Variants in PZP observed in about 807,000 individuals in gnomAD.
PZP encodes the protein PZP alpha-2-macroglobulin like.
A neutral mutation model predicts 179.8 loss-of-function variants in PZP; 150 were observed. The ratio of observed to expected loss-of-function variants is 0.83; its 90% CI spans 0.73 to 0.96. PZP has a LOEUF of 0.96. Among genes scored for constraint, PZP ranks in the 40% least tolerant of loss-of-function variants. The probability of loss-of-function intolerance (pLI) is 0.00; values close to 1 mark genes in which losing one functional copy is unlikely to be tolerated. For synonymous variants in PZP, 624 were observed against 652.3 expected (o/e 0.96, Z 0.66); for missense variants, 1,689 against 1,764.0 (o/e 0.96, Z 0.76).
chr12:9,181,045 G>C lies in PZP; in HGVS notation c.1777C>G (p.Leu593Val), dbSNP rs761978326. 4.3e-6 allele frequency: 7 copies of C among 1,614,202 alleles called. No homozygotes were observed. Among genetic ancestry groups the C allele is most frequent in the Non-Finnish European group, 5.9e-6 (7 of 1,180,020 alleles). ...VAAAPQSLCA[L>V]RAVDQSVLLM... Reference sequence around the variant, plus strand: ...AGCACACTTTGGTCCACAGCACGAAGGGCACAGAGGGACTGCGGAGCAGCT... The same window carrying C: ...AGCACACTTTGGTCCACAGCACGAACGGCACAGAGGGACTGCGGAGCAGCT... Residue 593 changes from leucine to valine, a missense_variant, in exon 15 of 36, where the codon CTT (leucine) becomes GTT (valine). Physicochemically the swap from Leu to Val is conservative, Grantham distance 32. Around this residue, in one of 3 missense-constraint regions of PZP, gnomAD observed 742 missense variants for 730.5 expected, o/e 1.02. Transcript: ENST00000261336.
chr12:9,192,504 A>G lies in PZP; in HGVS notation c.1482+8T>C, dbSNP rs759040864. On this transcript the variant is annotated splice_region_variant and intron_variant, in intron 12 of 35. Coordinates refer to ENST00000261336, the MANE Select transcript of PZP (RefSeq NM_002864.3). ...AGCTGCAATTGTATTCCATGGCCTC[A>G]TTCTTACCAGGTAATGGAAACTGAG... The G allele has an allele frequency of 6.2e-7, 1 of 1,607,798 alleles. No individual in the cohort carries two copies. The highest frequency in any genetic ancestry group is 1.1e-5 in the South Asian group (1 of 90,964).
chr12:9,151,792 G>T, intron 32 of PZP, 120 bp from the exon 33 acceptor site: 1 of 736,576 alleles, frequency 1.4e-6, no homozygotes, highest in Non-Finnish European at 2.2e-6. Flanking sequence ...AAAGCTAATT[G>T]TTTTCAGGTC....
At chr12:9,142,147 C>A in the PZP span, among the ~76,000 whole-genome samples, 4 of 152,092 alleles carry the variant, frequency 2.6e-5, no homozygotes, top group Non-Finnish European at 4.4e-5. Context: ...TGTATAAATT[C>A]TCTTTTCTTT....
intron 4 of PZP, 69 bp from the exon 5 acceptor site, chr12:9,201,416 T>G (rs944274601): frequency 8.9e-6 from 11 of 1,237,374 alleles, no homozygotes; most frequent in Non-Finnish European, 1.3e-5. Context: ...AGACTTGTGA[T>G]CAAACAACAA....
In PZP at chr12:9,158,510, G is replaced by C; in HGVS notation, c.3204C>G (p.His1068Gln). Residue 1068 changes from histidine to glutamine, a missense_variant, in exon 26 of 36, where the codon CAC (histidine) becomes CAG (glutamine). Physicochemically the swap from His to Gln is conservative, Grantham distance 24 (BLOSUM62 0). Coordinates refer to ENST00000261336, the MANE Select transcript of PZP (RefSeq NM_002864.3). ...ARSYIFIDEA[H>Q]ITQSLTWLSQ... is the part of the protein sequence containing the mutation. ...AGAGCCACGTGAGAGATTGGGTAAT[G>C]TGTGCTTCATCAATGAAGATGTAGG... The C allele has an allele frequency of 6.2e-7, 1 of 1,614,138 alleles. No homozygotes were observed. The highest frequency in any genetic ancestry group is 8.5e-7 in the Non-Finnish European group (1 of 1,180,012).
intron 22 of PZP, among the ~76,000 whole-genome samples, chr12:9,161,880 T>G (rs945698760): frequency 1.3e-5 from 2 of 152,194 alleles, no homozygotes; most frequent in African/African-American, 4.8e-5. Context: ...TGCTATATGT[T>G]TTGTCAGCAG....
Position 9,163,687 on chromosome 12 carries a change from A to T in PZP, c.2717T>A (p.Ile906Asn). Residue 906 changes from isoleucine (I) to asparagine (N), a missense_variant, in exon 21 of 36, where the codon ATC becomes AAC. Around this residue, in one of 3 missense-constraint regions of PZP, gnomAD observed 746 missense variants for 749.2 expected, o/e 1.00. Transcript: ENST00000261336. ...TGTTACCTCCACCAACAGGGTTTTGATGACTGTGTCTTTTCTTTTAATCTC... is the reference window on the plus strand; with the variant it reads ...TGTTACCTCCACCAACAGGGTTTTGTTGACTGTGTCTTTTCTTTTAATCTC... ...VPEIKRKDTV[I>N]KTLLVEAEGI... 6.2e-7 allele frequency: 1 copy of T among 1,613,842 alleles called. No homozygotes were observed. Among genetic ancestry groups the T allele is most frequent in the Non-Finnish European group, 8.5e-7 (1 of 1,179,848 alleles).
At chr12:9,151,784 A>T in intron 32 of PZP, 112 bp from the exon 33 acceptor site, 1 of 809,250 alleles carries the variant, frequency 1.2e-6, no homozygotes, top group East Asian at 2.7e-5. Flanking sequence ...AAGAGAAGAA[A>T]GCTAATTGTT....
rs1346326339 is a variant in PZP at position 9,162,596 on chromosome 12, C to G, written c.2788+1G>C. 2 of 1,581,452 alleles carry G rather than the reference C, an allele frequency of 1.3e-6. No homozygotes were observed. Among genetic ancestry groups the G allele is most frequent in the Non-Finnish European group, 1.7e-6 (2 of 1,151,186 alleles). On this transcript the variant is annotated splice_donor_variant, in intron 22 of 35. Transcript: ENST00000261336. LOFTEE classifies it high-confidence loss of function. ...CTATGATTATGAAGATGGACTCTTACCTGAGGCACAGGTCATAGAACTGAA... is the reference window on the plus strand; with the variant it reads ...CTATGATTATGAAGATGGACTCTTAGCTGAGGCACAGGTCATAGAACTGAA...
intron 27 of PZP, 69 bp from the exon 28 acceptor site, chr12:9,157,424 A>G: frequency 7.1e-7 from 1 of 1,400,970 alleles, no homozygotes. Context: ...AGAGCTGGAT[A>G]TTGACAGTCA....
the PZP span, among the ~76,000 whole-genome samples, chr12:9,141,549 C>A: frequency 0.023 from 3,468 of 152,266 alleles, 133 homozygotes; most frequent in African/African-American, 0.078. Flanking sequence ...ACTTCTTCAA[C>A]TTTAGCCAAT....
intron 7 of PZP, among the ~76,000 whole-genome samples, chr12:9,198,626 A>G (rs1943976073): frequency 1.3e-5 from 2 of 152,172 alleles, no homozygotes; most frequent in African/African-American, 4.8e-5. Context: ...TAGTGGGGTT[A>G]TGTGTGTGTG....
intron 2 of PZP, among the ~76,000 whole-genome samples, chr12:9,203,381 G>A (rs1023507667): frequency 7.8e-6 from 1 of 129,006 alleles, no homozygotes; most frequent in Non-Finnish European, 1.6e-5. Context: ...TCGCTCTGTC[G>A]CCCAGGCTGG....
At chr12:9,137,412 G>C in the PZP span, among the ~76,000 whole-genome samples, 3 of 152,046 alleles carry the variant, frequency 2.0e-5, no homozygotes, top group Admixed American at 6.6e-5. Context: ...GCACCATACT[G>C]TTTTGATTAC....
chr12:9,154,900 T>G, intron 28 of PZP, 61 bp from the exon 29 acceptor site: 25 of 1,454,066 alleles, frequency 1.7e-5, no homozygotes, highest in Non-Finnish European at 2.0e-5. Flanking sequence ...AACTGGTAGA[T>G]AAGAGAATGC....
In PZP at chr12:9,160,461, T is replaced by C. The variant is rs1308335744; in HGVS notation, c.2902A>G (p.Ile968Val). Reference protein sequence around the residue: ...GDILGSAMQNIQNLLQMPYGC... With the variant: ...GDILGSAMQNVQNLLQMPYGC... ...TATGGCATCTGGAGGAGATTTTGTATATTTTGCATAGCAGAACCTAATATG... is the reference window on the plus strand; with the variant it reads ...TATGGCATCTGGAGGAGATTTTGTACATTTTGCATAGCAGAACCTAATATG... Residue 968 changes from isoleucine (I) to valine (V), a missense_variant, in exon 24 of 36, where the codon ATA (isoleucine) becomes GTA (valine). Around this residue, in one of 3 missense-constraint regions of PZP, gnomAD observed 746 missense variants for 749.2 expected, o/e 1.00. Coordinates refer to ENST00000261336, the MANE Select transcript of PZP (RefSeq NM_002864.3). The C allele has an allele frequency of 1.4e-5, 22 of 1,613,728 alleles. No individual in the cohort carries two copies. The highest frequency in any genetic ancestry group is 1.9e-5 in the Non-Finnish European group (22 of 1,179,850).
the PZP span, among the ~76,000 whole-genome samples, chr12:9,136,717 A>T: frequency 1.3e-5 from 2 of 152,126 alleles, no homozygotes; most frequent in African/African-American, 4.8e-5. Context: ...GATAATAGGC[A>T]TCCTGACATG....
In PZP at chr12:9,153,105, A is replaced by AT; in HGVS notation, c.3993+19dup. On this transcript the variant is annotated intron_variant, in intron 30 of 35. Coordinates refer to ENST00000261336, the MANE Select transcript of PZP (RefSeq NM_002864.3). Reference sequence around the variant, plus strand: ...GCAAGTTTAAAGTTGACTCTCACCCATATAAGCTTGGAGCCCTACCTGAAG... The same window carrying AT: ...GCAAGTTTAAAGTTGACTCTCACCCATTATAAGCTTGGAGCCCTACCTGAAG... 6.2e-7 allele frequency: 1 copy of AT among 1,612,866 alleles called. No homozygotes were observed. The highest frequency in any genetic ancestry group is 8.5e-7 in the Non-Finnish European group (1 of 1,178,858).
At chr12:9,200,857 A>C in intron 6 of PZP, 35 bp downstream of exon 6, 2 of 1,585,246 alleles carry the variant, frequency 1.3e-6, no homozygotes, top group Non-Finnish European at 1.7e-6. Context: ...TAGGAACCAA[A>C]ATGTTATGCC....
Sources: gnomAD v4.1 joint callset for allele counts (sites outside exome capture counted in the v4.1 genomes callset) on GRCh38, gnomAD v4.1.1 for gene constraint, gnomAD v4.1.1 regional missense constraint, MANE v1.5 for transcripts, NCBI Gene and HGNC (gene_info 2026-07-23, HGNC 2026-07-21) for gene names.